Variants in TMEM44 observed in about 807,000 individuals in gnomAD.
TMEM44 encodes transmembrane protein 44.
In TMEM44, 43 loss-of-function variants were observed where a neutral mutation model predicts 47.8. That is an observed-to-expected ratio of 0.90 (90% CI 0.70 to 1.16). The LOEUF (loss-of-function observed/expected upper bound fraction) is 1.16, where lower values mean the gene tolerates loss of function less well. TMEM44 is among the 50% of genes most tolerant of loss of function. The pLI is 0.00. For synonymous variants in TMEM44, 277 were observed against 238.8 expected, an observed-to-expected ratio of 1.16 and a Z score of -1.48; for missense variants, 568 against 555.2, an observed-to-expected ratio of 1.02 and a Z score of -0.23.
Position 194,594,129 on chromosome 3 carries a change from A to ATCTGTCTGTCTGTCTGTCTGTCTG in TMEM44, c.1177-5491_1177-5490insCAGACAGACAGACAGACAGACAGA, listed in dbSNP as rs1182231663. Among the ~76,000 whole-genome samples the ATCTGTCTGTCTGTCTGTCTGTCTG allele has an allele frequency of 8.0e-3, 977 of 121,676 alleles. 5 individuals carry two copies. Among genetic ancestry groups the ATCTGTCTGTCTGTCTGTCTGTCTG allele is most frequent in the Non-Finnish European group, 0.012 (689 of 57,354 alleles). The allele number at this position is 121,676 out of a possible 152,430, so 79.8% of individuals were successfully genotyped here. On this transcript the variant is annotated intron_variant, in intron 9 of 9. Coordinates refer to ENST00000347147, the MANE Select transcript of TMEM44 (RefSeq NM_001011655.3). ...ACCTGGCCTAATTTTCTATCTATCT[A>ATCTGTCTGTCTGTCTGTCTGTCTG]TCTATCTATCTATCTATCTATCTAT...
At chr3:194,623,014 C>G in intron 5 of TMEM44, 1 of 483,582 alleles carries the variant, frequency 2.1e-6, no homozygotes, top group South Asian at 3.0e-5. Context: ...AGGCTCCCGC[C>G]GTCCTCAGGA....
intron 9 of TMEM44, among the ~76,000 whole-genome samples, chr3:194,591,231 G>A (rs1445120251): frequency 6.6e-6 from 1 of 151,562 alleles, no homozygotes; most frequent in Non-Finnish European, 1.5e-5. Context: ...GGTGGCTCAC[G>A]CCTGTAATCC....
At chr3:194,593,806 A>T (rs945256500) in intron 9 of TMEM44, among the ~76,000 whole-genome samples, 2 of 152,302 alleles carry the variant, frequency 1.3e-5, no homozygotes, top group African/African-American at 4.8e-5. Flanking sequence ...TTCATTAAAA[A>T]AAATCAATTA....
At chr3:194,616,603 G>A (rs769093822) in intron 6 of TMEM44, 8 of 456,612 alleles carry the variant, frequency 1.8e-5, no homozygotes, top group South Asian at 7.7e-5. Context: ...AGAGGCAAGC[G>A]AAGATTCCCC....
chr3:194,594,048 G>T lies in TMEM44; in HGVS notation c.1177-5409C>A, dbSNP rs377037060. ...GCTGGTCTTGAACTCCTGAGCTCAA[G>T]CAATCCTCCCACCCTGGCCACCCAA... is the stretch of plus-strand genomic sequence containing the variant. On this transcript the variant is annotated intron_variant, in intron 9 of 9. Coordinates refer to ENST00000347147, the MANE Select transcript of TMEM44 (RefSeq NM_001011655.3). 8.8e-4 allele frequency among the ~76,000 whole-genome samples: 134 copies of T among 152,218 alleles called. 1 individual carries two copies. Among genetic ancestry groups the T allele is most frequent in the African/African-American group, 3.1e-3 (129 of 41,532 alleles).
rs746013910 is a variant in TMEM44, at chr3:194,588,443, G to C, written c.*86C>G. 2.5e-6 allele frequency: 3 copies of C among 1,186,580 alleles called. No homozygotes were observed. The highest frequency in any genetic ancestry group is 3.7e-5 in the Admixed American group (2 of 53,412). 73.5% of individuals were successfully genotyped at this position (1,186,580 alleles called of 1,614,324 possible). A position where few individuals can be genotyped will look rare whatever the true frequency, so the allele number is the denominator to read the frequency against. On this transcript the variant is annotated 3_prime_UTR_variant, in exon 10 of 10. Coordinates refer to ENST00000347147, the MANE Select transcript of TMEM44 (RefSeq NM_001011655.3). ...CCAGGGCAGCTTCAGTTCCTGCCGCGGTGTCAGTGCAGATTGATTCCCGCT... is the reference window on the plus strand; with the variant it reads ...CCAGGGCAGCTTCAGTTCCTGCCGCCGTGTCAGTGCAGATTGATTCCCGCT...
chr3:194,605,160 G>GTATC (rs3988143), intron 8 of TMEM44, among the ~76,000 whole-genome samples: 67,573 of 151,530 alleles, frequency 0.45, 15,797 homozygotes, highest in East Asian at 0.77. Context: ...ATCTATCTAT[G>GTATC]TATCTATTTA....
chr3:194,627,889 G>A (rs1666864290), intron 2 of TMEM44, among the ~76,000 whole-genome samples: 1 of 152,168 alleles, frequency 6.6e-6, no homozygotes, highest in African/African-American at 2.4e-5. Flanking sequence ...TGAGGCAGGA[G>A]AATTGCTTGA....
Position 194,604,418 on chromosome 3 carries a change from C to A in TMEM44, c.1045G>T (p.Gly349Cys). 1 of 1,527,086 alleles carries A rather than the reference C, an allele frequency of 6.5e-7. No homozygotes were observed. Among genetic ancestry groups the A allele is most frequent in the South Asian group, 1.2e-5 (1 of 82,086 alleles). 94.6% of individuals were successfully genotyped at this position (1,527,086 alleles called of 1,614,324 possible). ...QAGCSATRLP[G>C]DGQTSAGDAS... ...TCTCCGGCGCTCGTCTGCCCGTCACCTGGCAGCCTGGTGGCACTGCAGCCT... is the reference window on the plus strand; with the variant it reads ...TCTCCGGCGCTCGTCTGCCCGTCACATGGCAGCCTGGTGGCACTGCAGCCT... Residue 349 changes from glycine (G) to cysteine (C), a missense_variant, in exon 9 of 10, where the codon GGT (glycine) becomes TGT (cysteine). Gly to Cys is a radical substitution (Grantham distance 159). Transcript: ENST00000347147.
Position 194,617,218 on chromosome 3 carries a change from C to T in TMEM44, c.664G>A (p.Ala222Thr), listed in dbSNP as rs1274691012. ...GAGGCATAGAGGAGGCCAGCCAGGG[C>T]CGACAGGAGCCGGGTCCACAGGTGG... Reference protein sequence around the residue: ...SIHLWTRLLSALAGLLYASAI... With the variant: ...SIHLWTRLLSTLAGLLYASAI... Residue 222 changes from alanine to threonine, a missense_variant, in exon 6 of 10, where the codon GCC becomes ACC. Coordinates refer to ENST00000347147, the MANE Select transcript of TMEM44 (RefSeq NM_001011655.3). 1 of 1,551,784 alleles carries T rather than the reference C, an allele frequency of 6.4e-7. No homozygotes were observed. The highest frequency in any genetic ancestry group is 2.4e-5 in the East Asian group (1 of 41,356).
chr3:194,622,354 GA>G (rs1716638558), intron 5 of TMEM44, among the ~76,000 whole-genome samples: 1 of 152,074 alleles, frequency 6.6e-6, no homozygotes, highest in South Asian at 2.1e-4. Flanking sequence ...TCTCTCTTCT[GA>G]AACCCCAAAC....
At chr3:194,630,674 G>A (rs1339384101) in intron 1 of TMEM44, among the ~76,000 whole-genome samples, 2 of 129,524 alleles carry the variant, frequency 1.5e-5, no homozygotes, top group East Asian at 4.8e-4. Flanking sequence ...GGGGCTGGCT[G>A]TTTCCATCGG....
intron 1 of TMEM44, chr3:194,632,871 CTT>C (rs1342836463): frequency 1.1e-6 from 1 of 887,472 alleles, no homozygotes; most frequent in Non-Finnish European, 1.6e-6. Context: ...AGCCTCCTCC[CTT>C]TGGCTCACAG....
At chr3:194,632,576 C>T (rs868220758) in intron 1 of TMEM44, among the ~76,000 whole-genome samples, 3 of 152,202 alleles carry the variant, frequency 2.0e-5, no homozygotes, top group Non-Finnish European at 4.4e-5. Context: ...CCTAAGAGGA[C>T]TTTGGGTAAA....
chr3:194,617,195 G>A lies in TMEM44; in HGVS notation c.687C>T (p.Ala229=), dbSNP rs777465608. The A allele has an allele frequency of 3.9e-6, 6 of 1,553,670 alleles. No homozygotes were observed. Among genetic ancestry groups the A allele is most frequent in the Non-Finnish European group, 4.4e-6 (5 of 1,148,742 alleles). The change falls in exon 6 of 10, where the codon GCC becomes GCT. Residue 229 remains alanine (A), a synonymous_variant. Coordinates refer to ENST00000347147, the MANE Select transcript of TMEM44 (RefSeq NM_001011655.3). Reference sequence around the variant, plus strand: ...GCTGGTCGTGGGCCACAATGGCCGAGGCATAGAGGAGGCCAGCCAGGGCCG... The same window carrying A: ...GCTGGTCGTGGGCCACAATGGCCGAAGCATAGAGGAGGCCAGCCAGGGCCG... The part of the protein sequence containing the change: ...LLSALAGLLY[A]SAIVAHDQHP...
At chr3:194,614,982 A>G (rs924414006) in intron 7 of TMEM44, among the ~76,000 whole-genome samples, 3 of 151,928 alleles carry the variant, frequency 2.0e-5, no homozygotes, top group African/African-American at 7.2e-5. Flanking sequence ...TATGCCTGTA[A>G]TCCCAGCACT....
rs1255385504 is a variant in TMEM44, at chr3:194,628,465, G to T, written c.182C>A (p.Ser61Ter). ...RCAQKPRQDQ[S>*]ALCAACCLLT... ...GAGGCAGCACGCAGCACACAGTGCC[G>T]ACTGGTCCTGTCTGGGTTTCTGTGC... is the stretch of plus-strand genomic sequence containing the variant. The change falls in exon 2 of 10, where the codon TCG becomes TAG. Residue 61 changes from serine (S) to a stop codon, truncating the protein, a stop_gained. Transcript: ENST00000347147. LOFTEE classifies it high-confidence loss of function. 1.2e-6 allele frequency: 2 copies of T among 1,613,584 alleles called. No homozygotes were observed. The highest frequency in any genetic ancestry group is 2.2e-5 in the South Asian group (2 of 90,908).
At chr3:194,592,187 C>T (rs896483746) in intron 9 of TMEM44, among the ~76,000 whole-genome samples, 7 of 150,298 alleles carry the variant, frequency 4.7e-5, no homozygotes, top group Non-Finnish European at 5.9e-5. Flanking sequence ...CACTGCAGTC[C>T]GCAGTCCGGC....
At chr3:194,622,269 G>A (rs904659036) in intron 5 of TMEM44, among the ~76,000 whole-genome samples, 1 of 152,218 alleles carries the variant, frequency 6.6e-6, no homozygotes. Flanking sequence ...GTAACGTGAC[G>A]CCTCCCCACC....
Sources: gnomAD v4.1 joint callset for allele counts (sites outside exome capture counted in the v4.1 genomes callset) on GRCh38, gnomAD v4.1.1 for gene constraint, MANE v1.5 for transcripts, NCBI Gene and HGNC (gene_info 2026-07-23, HGNC 2026-07-21) for gene names.